BRINP3: variants seen among roughly 807,000 people sequenced by gnomAD.
BRINP3 encodes the protein BMP/retinoic acid inducible neural specific 3.
A neutral mutation model predicts 71.0 loss-of-function variants in BRINP3; 19 were observed. The ratio of observed to expected loss-of-function variants is 0.27; its 90% confidence interval spans 0.19 to 0.39. BRINP3 has a LOEUF of 0.39. BRINP3 is among the 10% of genes least tolerant of loss of function. The pLI is 1.00. For missense variants in BRINP3, 959 were observed against 940.8 expected, an observed-to-expected ratio of 1.02 and a Z score of -0.25; for synonymous variants, 380 against 337.7, an observed-to-expected ratio of 1.13 and a Z score of -1.37.
intron 6 of BRINP3, among the ~76,000 whole-genome samples, chr1:190,217,898 G>T (rs1415408954): frequency 6.6e-6 from 1 of 151,842 alleles, no homozygotes; most frequent in African/African-American, 2.4e-5. Context: ...CAAAATCTCT[G>T]GTCAATGAAT....
intron 1 of BRINP3, among the ~76,000 whole-genome samples, chr1:190,455,701 A>G (rs531255275): frequency 6.6e-6 from 1 of 152,284 alleles, no homozygotes; most frequent in East Asian, 1.9e-4. Flanking sequence ...AAAGATTTAA[A>G]TGTGCATCTG....
intron 2 of BRINP3, among the ~76,000 whole-genome samples, chr1:190,372,043 T>C (rs966155987): frequency 2.1e-4 from 32 of 152,082 alleles, no homozygotes; most frequent in African/African-American, 7.5e-4. Flanking sequence ...AATACGAGCA[T>C]TTTAGAGTAG....
At position 190,160,656 on chromosome 1, in the gene BRINP3, C is replaced by T. The variant is rs776524201; in HGVS notation, c.1184+12G>A. ...ATAAACTTAATTGCTTACATTACCA[C>T]AAATGTCTTACCTTTGTCTTGGCAG... is the stretch of plus-strand genomic sequence containing the variant. On this transcript the variant is annotated intron_variant, in intron 7 of 7. Coordinates refer to ENST00000367462, the MANE Select transcript of BRINP3 (RefSeq NM_199051.3). 1.2e-6 allele frequency: 2 copies of T among 1,604,400 alleles called. No individual in the cohort carries two copies. The highest frequency in any genetic ancestry group is 8.5e-7 in the Non-Finnish European group (1 of 1,175,566).
At chr1:190,406,423 C>A (rs140009335) in intron 2 of BRINP3, among the ~76,000 whole-genome samples, 12 of 152,170 alleles carry the variant, frequency 7.9e-5, no homozygotes, top group Admixed American at 5.9e-4. Context: ...CCTATATTTT[C>A]GTACTGCTGC....
intron 5 of BRINP3, among the ~76,000 whole-genome samples, chr1:190,233,581 G>T (rs1278292020): frequency 6.6e-6 from 1 of 152,028 alleles, no homozygotes; most frequent in East Asian, 1.9e-4. Context: ...TAAATATTCA[G>T]CTCTAAGTTA....
At chr1:190,130,825 C>T (rs1654477623) in intron 7 of BRINP3, among the ~76,000 whole-genome samples, 1 of 151,896 alleles carries the variant, frequency 6.6e-6, no homozygotes, top group African/African-American at 2.4e-5. Flanking sequence ...CCACATACTC[C>T]TGCCCCTGCC....
At chr1:190,265,574 C>T (rs1339280662) in intron 3 of BRINP3, among the ~76,000 whole-genome samples, 1 of 146,052 alleles carries the variant, frequency 6.8e-6, no homozygotes, top group South Asian at 2.1e-4. Context: ...ATTAGCCGGG[C>T]GTGGTGGCGG....
intron 2 of BRINP3, among the ~76,000 whole-genome samples, chr1:190,380,278 G>A (rs76410104): frequency 6.6e-6 from 1 of 152,174 alleles, no homozygotes; most frequent in African/African-American, 2.4e-5. Context: ...GGGGATACCA[G>A]GAATGATCTG....
In BRINP3 at chr1:190,435,993, G is replaced by A. The variant is rs188983621; in HGVS notation, c.236+18662C>T. The stretch of plus-strand genomic sequence containing the variant: ...GACAAAATAGATTTTGTAAGGTAGG[G>A]AGAGAATCATTTTTTCCCCATGATG... On this transcript the variant is annotated intron_variant, in intron 2 of 7. Transcript: ENST00000367462. 4.6e-3 allele frequency among the ~76,000 whole-genome samples: 703 copies of A among 151,998 alleles called. 4 individuals carry two copies. Among genetic ancestry groups the A allele is most frequent in the Non-Finnish European group, 7.6e-3 (515 of 67,860 alleles).
intron 2 of BRINP3, among the ~76,000 whole-genome samples, chr1:190,292,280 G>T (rs1663926603): frequency 6.6e-6 from 1 of 151,996 alleles, no homozygotes; most frequent in African/African-American, 2.4e-5. Flanking sequence ...AAAAGGAAGT[G>T]ATCAGCAAAC....
At chr1:190,464,984 C>T (rs1571385195) in intron 1 of BRINP3, among the ~76,000 whole-genome samples, 2 of 151,948 alleles carry the variant, frequency 1.3e-5, no homozygotes, top group African/African-American at 4.8e-5. Context: ...TCAATACAGT[C>T]TTGTCCTACC....
At chr1:190,424,034 T>C (rs1673545950) in intron 2 of BRINP3, among the ~76,000 whole-genome samples, 2 of 151,732 alleles carry the variant, frequency 1.3e-5, no homozygotes, top group African/African-American at 4.8e-5. Context: ...ATGGGACTTT[T>C]TTTGTTGGTA....
At chr1:190,435,632 A>G (rs572304235) in intron 2 of BRINP3, among the ~76,000 whole-genome samples, 2 of 152,168 alleles carry the variant, frequency 1.3e-5, no homozygotes, top group African/African-American at 4.8e-5. Context: ...AACATTTTTA[A>G]ATGACATCTA....
intron 2 of BRINP3, among the ~76,000 whole-genome samples, chr1:190,401,728 A>C (rs2102360137): frequency 6.6e-6 from 1 of 151,974 alleles, no homozygotes; most frequent in East Asian, 1.9e-4. Context: ...AATGAACCCA[A>C]ATTAATAAAA....
At chr1:190,160,458 TAA>T (rs902844425) in intron 7 of BRINP3, among the ~76,000 whole-genome samples, 59 of 152,160 alleles carry the variant, frequency 3.9e-4, no homozygotes, top group African/African-American at 1.3e-3. Flanking sequence ...AAAAAAGAAA[TAA>T]GTGCTAGTAT....
rs562484576 is a variant in BRINP3 at position 190,256,345 on chromosome 1, G to T, written c.618+8520C>A. On this transcript the variant is annotated intron_variant, in intron 4 of 7. Transcript: ENST00000367462. Reference sequence around the variant, plus strand: ...TTTTTTGCTTTCCATTTGCTTGGTAGATCTTCCTCCATCCCTTTATTTTGA... The same window carrying T: ...TTTTTTGCTTTCCATTTGCTTGGTATATCTTCCTCCATCCCTTTATTTTGA... 3.3e-5 allele frequency among the ~76,000 whole-genome samples: 5 copies of T among 152,222 alleles called. No individual in the cohort carries two copies. The East Asian group carries it at 9.7e-4, about 29-fold the overall frequency.
intron 2 of BRINP3, among the ~76,000 whole-genome samples, chr1:190,411,745 G>T (rs1672675171): frequency 6.6e-6 from 1 of 152,140 alleles, no homozygotes; most frequent in Non-Finnish European, 1.5e-5. Flanking sequence ...AATAAAAAAG[G>T]TAGAGTGAAA....
At chr1:190,141,197 A>G (rs1655402632) in intron 7 of BRINP3, among the ~76,000 whole-genome samples, 1 of 152,122 alleles carries the variant, frequency 6.6e-6, no homozygotes, top group Non-Finnish European at 1.5e-5. Flanking sequence ...AAAATATCAA[A>G]TGTCAATTGA....
At chr1:190,245,895 T>C (rs7523618) in intron 4 of BRINP3, among the ~76,000 whole-genome samples, 60,750 of 151,456 alleles carry the variant, frequency 0.4, 13,117 homozygotes, top group Non-Finnish European at 0.49. Flanking sequence ...AGAATGATGG[T>C]TTCCAGCTTC....
Sources: allele counts gnomAD v4.1 joint callset (sites outside exome capture counted in the v4.1 genomes callset), GRCh38; gene constraint gnomAD v4.1.1; transcripts MANE v1.5; gene names NCBI Gene and HGNC (gene_info 2026-07-23, HGNC 2026-07-21).